The following TMEM108 variants were observed in gnomAD, a reference collection of about 807,000 sequenced individuals.
TMEM108 encodes the protein cancer/testis antigen 124.
A neutral mutation model predicts 35.1 loss-of-function variants in TMEM108; 12 were observed. That is an observed-to-expected ratio of 0.34 (90% CI 0.22 to 0.55). The LOEUF is 0.55. Among genes scored for constraint, TMEM108 ranks in the 20% least tolerant of loss-of-function variants. The probability of loss-of-function intolerance (pLI) is 0.89; values close to 1 mark genes in which losing one functional copy is unlikely to be tolerated. For synonymous variants in TMEM108, 287 were observed against 308.6 expected (o/e 0.93, Z 0.73); for missense variants, 680 against 753.3 (o/e 0.90, Z 1.14).
At chr3:133,195,528 G>A (rs1429538279) in intron 2 of TMEM108, among the ~76,000 whole-genome samples, 2 of 152,038 alleles carry the variant, frequency 1.3e-5, no homozygotes, top group African/African-American at 2.4e-5. Context: ...CGGTATTTCT[G>A]TTGTGGCTCT....
chr3:133,142,824 A>C (rs761012827), intron 2 of TMEM108, among the ~76,000 whole-genome samples: 15 of 152,156 alleles, frequency 9.9e-5, no homozygotes, highest in Non-Finnish European at 2.2e-4. Flanking sequence ...CAGTGTTCTA[A>C]ATGCTTTACA....
chr3:133,343,701 A>G (rs2071731119), intron 3 of TMEM108, among the ~76,000 whole-genome samples: 4 of 151,896 alleles, frequency 2.6e-5, no homozygotes. Flanking sequence ...CAGGGTGACT[A>G]AAAATGGGCT....
intron 2 of TMEM108, among the ~76,000 whole-genome samples, chr3:133,158,247 G>A (rs1944909270): frequency 6.6e-6 from 1 of 151,810 alleles, no homozygotes; most frequent in Non-Finnish European, 1.5e-5. Flanking sequence ...AGGTGGGCGG[G>A]TCACGAGGTC....
At chr3:133,105,298 T>A (rs1260512177) in intron 2 of TMEM108, among the ~76,000 whole-genome samples, 1 of 152,162 alleles carries the variant, frequency 6.6e-6, no homozygotes, top group Non-Finnish European at 1.5e-5. Context: ...AGGCTGTCCA[T>A]GTTCCTTGGT....
intron 2 of TMEM108, among the ~76,000 whole-genome samples, chr3:133,180,361 T>C (rs1945315119): frequency 1.3e-5 from 2 of 152,186 alleles, no homozygotes; most frequent in South Asian, 2.1e-4. Flanking sequence ...AATATAGGCC[T>C]GACAGTTAAG....
At chr3:133,333,983 T>C (rs1034182606) in intron 3 of TMEM108, among the ~76,000 whole-genome samples, 1 of 152,350 alleles carries the variant, frequency 6.6e-6, no homozygotes, top group Middle Eastern at 3.4e-3. Flanking sequence ...AGTTCCTTTT[T>C]TTATAAATGA....
chr3:133,128,661 T>G lies in TMEM108; in HGVS notation c.-47+82641T>G, dbSNP rs140290715. Among the ~76,000 whole-genome samples the G allele has an allele frequency of 3.2e-3, 480 of 152,314 alleles. 2 individuals are homozygous for G. The highest frequency in any genetic ancestry group is 0.011 in the African/African-American group (455 of 41,562). Reference sequence around the variant, plus strand: ...TGTCAAGTGAGAACATTAGACTAGATGATCTTAAGGCCTTTTGGTCATCAC... The same window carrying G: ...TGTCAAGTGAGAACATTAGACTAGAGGATCTTAAGGCCTTTTGGTCATCAC... On this transcript the variant is annotated intron_variant, in intron 2 of 5. Coordinates refer to ENST00000321871, the MANE Select transcript of TMEM108 (RefSeq NM_023943.4).
intron 3 of TMEM108, among the ~76,000 whole-genome samples, chr3:133,304,990 G>A (rs1209424835): frequency 6.6e-6 from 1 of 152,096 alleles, no homozygotes; most frequent in African/African-American, 2.4e-5. Flanking sequence ...GGCTGAGGCA[G>A]GAGAATCGCT....
intron 2 of TMEM108, among the ~76,000 whole-genome samples, chr3:133,071,140 G>A (rs1355089908): frequency 6.6e-6 from 1 of 152,152 alleles, no homozygotes. Flanking sequence ...AGGCTATAGA[G>A]TATACCCATA....
intron 3 of TMEM108, among the ~76,000 whole-genome samples, chr3:133,355,835 T>G (rs551348528): frequency 2.6e-5 from 4 of 152,200 alleles, no homozygotes; most frequent in Admixed American, 6.5e-5. Context: ...GAATAAAGAT[T>G]GTAAATGGAA....
Position 133,334,979 on chromosome 3 carries a change from T to A in TMEM108, c.41-44773T>A, listed in dbSNP as rs534704872. On this transcript the variant is annotated intron_variant, in intron 3 of 5. Transcript: ENST00000321871. ...CAAGCCCACCAGCTTGATAAATTTC[T>A]TATTTTACATAGGATTGGTAAGGAA... is the stretch of plus-strand genomic sequence containing the variant. Among the ~76,000 whole-genome samples, 532 of 152,350 alleles carry A rather than the reference T, an allele frequency of 3.5e-3. 3 individuals carry two copies. Among genetic ancestry groups the A allele is most frequent in the Non-Finnish European group, 4.2e-3 (288 of 68,024 alleles).
intron 3 of TMEM108, among the ~76,000 whole-genome samples, chr3:133,360,007 T>TAAAAAAAAAAAAAAAAAAAAAAA: frequency 8.9e-6 from 1 of 112,922 alleles, no homozygotes; most frequent in Non-Finnish European, 1.8e-5. Context: ...ACTCAACAGT[T>TAAAAAAAAAAAAAAAAAAAAAAA]AAAAAAAAAA....
chr3:133,373,968 G>A (rs930554406), intron 3 of TMEM108, among the ~76,000 whole-genome samples: 2 of 152,256 alleles, frequency 1.3e-5, no homozygotes, highest in South Asian at 2.1e-4. Context: ...TTTCATGTCC[G>A]GTGCCTGGCT....
At chr3:133,313,256 G>C (rs1405432270) in intron 3 of TMEM108, among the ~76,000 whole-genome samples, 1 of 150,498 alleles carries the variant, frequency 6.6e-6, no homozygotes, top group Non-Finnish European at 1.5e-5. Flanking sequence ...GGAGTGCAGT[G>C]GTGCGATCTC....
intron 1 of TMEM108, among the ~76,000 whole-genome samples, chr3:133,040,082 T>A (rs1943254834): frequency 6.6e-6 from 1 of 152,198 alleles, no homozygotes; most frequent in African/African-American, 2.4e-5. Flanking sequence ...GCAAAGCTCA[T>A]TTAGAATATC....
At chr3:133,280,983 T>C (rs1559891110) in intron 3 of TMEM108, among the ~76,000 whole-genome samples, 1 of 152,210 alleles carries the variant, frequency 6.6e-6, no homozygotes, top group African/African-American at 2.4e-5. Flanking sequence ...ACTTCTACCA[T>C]ATTCTGTTGA....
chr3:133,391,753 T>C (rs1176211087), intron 5 of TMEM108, among the ~76,000 whole-genome samples: 2 of 152,078 alleles, frequency 1.3e-5, no homozygotes, highest in African/African-American at 4.8e-5. Flanking sequence ...CTCCAACCCA[T>C]CCTGCTGCAG....
At chr3:133,108,066 A>G (rs1472157458) in intron 2 of TMEM108, among the ~76,000 whole-genome samples, 1 of 152,110 alleles carries the variant, frequency 6.6e-6, no homozygotes, top group African/African-American at 2.4e-5. Flanking sequence ...ACCCATCTCT[A>G]CTAAAAATAC....
At chr3:133,351,991 A>G (rs1033102609) in intron 3 of TMEM108, among the ~76,000 whole-genome samples, 3 of 152,166 alleles carry the variant, frequency 2.0e-5, no homozygotes, top group African/African-American at 7.2e-5. Context: ...TATCATATAC[A>G]CACACATAAC....
Sources: gnomAD v4.1 joint callset for allele counts (sites outside exome capture counted in the v4.1 genomes callset) on GRCh38, gnomAD v4.1.1 for gene constraint, MANE v1.5 for transcripts, NCBI Gene and HGNC (gene_info 2026-07-23, HGNC 2026-07-21) for gene names.